CHRM5: variants seen among roughly 807,000 people sequenced by gnomAD.
CHRM5 encodes the protein cholinergic receptor muscarinic 5, also known as muscarinic acetylcholine receptor M5.
Under a neutral mutation model 39.0 loss-of-function variants are expected in CHRM5, and 18 were observed. The ratio of observed to expected loss-of-function variants is 0.46; its 90% CI spans 0.32 to 0.68. CHRM5 has a LOEUF of 0.68. CHRM5 is among the 30% of genes least tolerant of loss of function. CHRM5 has a pLI of 0.04. For missense variants in CHRM5, 515 were observed against 651.1 expected, an observed-to-expected ratio of 0.79 and a Z score of 2.28; for synonymous variants, 241 against 246.3, an observed-to-expected ratio of 0.98 and a Z score of 0.20.
intron 1 of CHRM5, among the ~76,000 whole-genome samples, chr15:34,013,685 T>C (rs1467064568): frequency 6.6e-6 from 1 of 152,098 alleles, no homozygotes; most frequent in African/African-American, 2.4e-5. Flanking sequence ...TGATATCAGC[T>C]ACTATAAAAC....
intron 1 of CHRM5, among the ~76,000 whole-genome samples, chr15:33,992,596 ATCT>A (rs1229187115): frequency 1.7e-4 from 26 of 152,184 alleles, no homozygotes; most frequent in South Asian, 8.3e-4. Flanking sequence ...AAAGGGAAGA[ATCT>A]TCTTCTACTA....
intron 1 of CHRM5, among the ~76,000 whole-genome samples, chr15:33,985,187 GT>G (rs1254261485): frequency 2.0e-5 from 3 of 151,978 alleles, no homozygotes; most frequent in African/African-American, 4.8e-5. Flanking sequence ...GCCTGTTACT[GT>G]TTCATGGGTG....
chr15:33,983,173 T>TATATAC (rs1896245952), intron 1 of CHRM5, among the ~76,000 whole-genome samples: 3 of 120,006 alleles, frequency 2.5e-5, no homozygotes, highest in African/African-American at 1.4e-4. Flanking sequence ...TGTGTGTGTA[T>TATATAC]ATATACACAC....
At chr15:33,988,776 C>A (rs1048452153) in intron 1 of CHRM5, among the ~76,000 whole-genome samples, 1 of 152,198 alleles carries the variant, frequency 6.6e-6, no homozygotes, top group Non-Finnish European at 1.5e-5. Flanking sequence ...TGATAAATGA[C>A]CTTGCTCTAT....
chr15:34,035,663 G>A (rs1899081546), intron 1 of CHRM5, among the ~76,000 whole-genome samples: 2 of 151,762 alleles, frequency 1.3e-5, no homozygotes, highest in African/African-American at 4.8e-5. Flanking sequence ...CTAGAGGAAG[G>A]AAAAAAGAAA....
At position 34,035,034 on chromosome 15, in the gene CHRM5, T is replaced by C. The variant is rs548042798; in HGVS notation, c.-407-11506T>C. 1.4e-4 allele frequency among the ~76,000 whole-genome samples: 21 copies of C among 152,354 alleles called. No individual in the cohort carries two copies. The South Asian group carries it at 4.4e-3, about 32-fold the overall frequency. ...CTTAGACACCTGCCTGTAACTGATC[T>C]GACACCATTTCTTCCCTCCAGGTTC... is the stretch of plus-strand genomic sequence containing the variant. On this transcript the variant is annotated intron_variant, in intron 1 of 2. Transcript: ENST00000383263.
intron 1 of CHRM5, among the ~76,000 whole-genome samples, chr15:34,000,557 C>CT (rs1337389616): frequency 6.6e-6 from 1 of 152,138 alleles, no homozygotes; most frequent in East Asian, 1.9e-4. Flanking sequence ...TCTCAGTTGT[C>CT]TATTTATTTA....
chr15:34,047,478 G>A (rs1206025918), intron 2 of CHRM5, among the ~76,000 whole-genome samples: 2 of 152,178 alleles, frequency 1.3e-5, no homozygotes, highest in African/African-American at 2.4e-5. Context: ...AGGGAGCCAA[G>A]CAGCATCTTT....
At chr15:34,050,334 C>T (rs1056189656) in intron 2 of CHRM5, among the ~76,000 whole-genome samples, 2 of 152,174 alleles carry the variant, frequency 1.3e-5, no homozygotes, top group African/African-American at 4.8e-5. Context: ...GCAAGAGCTC[C>T]TGAAGCTTCC....
intron 1 of CHRM5, among the ~76,000 whole-genome samples, chr15:34,020,718 T>C (rs1898165908): frequency 6.6e-6 from 1 of 152,206 alleles, no homozygotes; most frequent in African/African-American, 2.4e-5. Flanking sequence ...ATTACGACCT[T>C]ACTCTCCTTG....
intron 1 of CHRM5, among the ~76,000 whole-genome samples, chr15:34,002,012 G>A (rs1352030165): frequency 1.3e-5 from 2 of 152,144 alleles, no homozygotes; most frequent in Non-Finnish European, 2.9e-5. Context: ...CGTAATTGCA[G>A]ATTCACACAC....
chr15:34,022,756 C>T (rs932158840), intron 1 of CHRM5, among the ~76,000 whole-genome samples: 17 of 152,192 alleles, frequency 1.1e-4, no homozygotes, highest in African/African-American at 4.1e-4. Context: ...AAGCATTCCC[C>T]CAACACACAC....
In CHRM5 at chr15:34,007,885, G is replaced by A. The variant is rs573280870; in HGVS notation, c.-407-38655G>A. On this transcript the variant is annotated intron_variant, in intron 1 of 2. Transcript: ENST00000383263. ...TGGCAACCTTAGCATTCCTTCCTTT[G>A]CCATTTTCACATGGCATTTTCTCCT... 2.0e-3 allele frequency among the ~76,000 whole-genome samples: 299 copies of A among 152,176 alleles called. 4 individuals carry two copies. The South Asian group carries it at 0.032, about 16-fold the overall frequency.
chr15:33,989,390 A>G (rs878955574), intron 1 of CHRM5, among the ~76,000 whole-genome samples: 1 of 152,044 alleles, frequency 6.6e-6, no homozygotes, highest in Admixed American at 6.6e-5. Flanking sequence ...TGATCGTCAC[A>G]ACTACCCCTA....
At chr15:34,029,886 G>T (rs1376004283) in intron 1 of CHRM5, among the ~76,000 whole-genome samples, 2 of 152,158 alleles carry the variant, frequency 1.3e-5, no homozygotes, top group African/African-American at 4.8e-5. Flanking sequence ...AGGAAAAAAT[G>T]ATGTTGAAAC....
At chr15:33,984,790 T>C (rs1896350352) in intron 1 of CHRM5, among the ~76,000 whole-genome samples, 1 of 152,100 alleles carries the variant, frequency 6.6e-6, no homozygotes, top group Non-Finnish European at 1.5e-5. Context: ...AGACAAACGT[T>C]AGTAGCAAAC....
chr15:33,989,291 T>C (rs147174902), intron 1 of CHRM5, among the ~76,000 whole-genome samples: 18 of 152,294 alleles, frequency 1.2e-4, no homozygotes, highest in Middle Eastern at 3.4e-3. Context: ...ACCCACAGTA[T>C]ATTCTAACCC....
At chr15:34,057,633 G>A (rs114541023) in intron 2 of CHRM5, among the ~76,000 whole-genome samples, 1,869 of 152,240 alleles carry the variant, frequency 0.012, 44 homozygotes, top group African/African-American at 0.039. Context: ...TGTGTCCAAA[G>A]TCATACAGTA....
intron 1 of CHRM5, among the ~76,000 whole-genome samples, chr15:33,994,059 G>A (rs868529530): frequency 1.3e-5 from 2 of 152,152 alleles, no homozygotes; most frequent in African/African-American, 2.4e-5. Flanking sequence ...TCTAGAACAG[G>A]GGGTCCCCCA....
Sources: allele counts gnomAD v4.1 joint callset (sites outside exome capture counted in the v4.1 genomes callset), GRCh38; gene constraint gnomAD v4.1.1; transcripts MANE v1.5; gene names NCBI Gene and HGNC (gene_info 2026-07-23, HGNC 2026-07-21).